OGG1: variants seen among roughly 807,000 people sequenced by gnomAD.
The protein encoded by OGG1 is N-glycosylase/DNA lyase.
OGG1 carries 35 observed loss-of-function variants against 42.3 expected under a neutral mutation model. The observed-to-expected ratio is 0.83, with a 90% confidence interval of 0.63 to 1.10. OGG1 has a LOEUF of 1.10. OGG1 is among the 50% of genes least tolerant of loss of function. The pLI is 0.00. For synonymous variants in OGG1, 189 were observed against 179.0 expected, an observed-to-expected ratio of 1.06 and a Z score of -0.44; for missense variants, 484 against 446.7, an observed-to-expected ratio of 1.08 and a Z score of -0.75.
At chr3:9,759,491 C>T, downstream of OGG1, 1 of 1,614,178 alleles carries the variant, frequency 6.2e-7, no homozygotes, top group African/African-American at 1.3e-5. Context: ...GACTCACCTT[C>T]CACTTGCTCT....
intron 3 of OGG1, chr3:9,787,616 A>G: frequency 8.4e-7 from 1 of 1,195,024 alleles, no homozygotes; most frequent in South Asian, 1.4e-5. Context: ...AGATTGTCTC[A>G]GGTCACAGCA....
intron 2 of OGG1, among the ~76,000 whole-genome samples, chr3:9,774,130 C>T (rs1442549397): frequency 6.6e-6 from 1 of 152,110 alleles, no homozygotes; most frequent in Non-Finnish European, 1.5e-5. Context: ...AATTCTTTGG[C>T]TGGGCGTGGT....
downstream of OGG1, chr3:9,759,851 C>A (rs780748957): frequency 1.2e-6 from 2 of 1,600,948 alleles, no homozygotes; most frequent in East Asian, 2.2e-5. Flanking sequence ...GGCATCAAGA[C>A]AAAGAGGCCA....
In OGG1 at chr3:9,754,900, G is replaced by A; in HGVS notation, c.747+15G>A. The A allele has an allele frequency of 6.4e-7, 1 of 1,569,204 alleles. No homozygotes were observed. On this transcript the variant is annotated intron_variant, in intron 4 of 6. Coordinates refer to ENST00000344629, the MANE Select transcript of OGG1 (RefSeq NM_002542.6). ...TGGGCACCAAGGTGAGGCCCCAGGG[G>A]GTAGGAGCTGCCCTCTCTACTGACA...
At chr3:9,762,990 GCGTCCCGCTC>G in intron 7 of OGG1, 1 of 1,614,156 alleles carries the variant, frequency 6.2e-7, no homozygotes, top group Non-Finnish European at 8.5e-7. Flanking sequence ...GAGGCGGCTG[GCGTCCCGCTC>G]CGTGTAGAAG....
downstream of OGG1, chr3:9,759,317 G>A: frequency 6.4e-7 from 1 of 1,572,040 alleles, no homozygotes; most frequent in Non-Finnish European, 8.8e-7. Flanking sequence ...TAGAGAAGGT[G>A]TTGGGAGTGT....
downstream of OGG1, chr3:9,767,664 C>CA: frequency 1.2e-6 from 2 of 1,614,176 alleles, no homozygotes; most frequent in Non-Finnish European, 8.5e-7. Context: ...GCCCTGGACT[C>CA]ACGTGCCCAG....
At chr3:9,761,822 C>A, downstream of OGG1, 2 of 1,586,194 alleles carry the variant, frequency 1.3e-6, no homozygotes, top group Non-Finnish European at 1.7e-6. Context: ...GAACCTTCTG[C>A]CGCTCCAAGC....
chr3:9,778,810 C>T (rs1398388688), intron 2 of OGG1, among the ~76,000 whole-genome samples: 4 of 152,054 alleles, frequency 2.6e-5, no homozygotes, highest in Non-Finnish European at 4.4e-5. Context: ...ATGTGTGCAC[C>T]CTAGTTTGGC....
chr3:9,787,299 C>A lies in OGG1; in HGVS notation c.383-429C>A, dbSNP rs776876963. ...CCTTCTGCTCCTCCAGCAGGTCCTC[C>A]TGGGCCCAGCGCTGGGAGTAGTGCT... is the stretch of plus-strand genomic sequence containing the variant. On this transcript the variant is annotated intron_variant, in intron 3 of 3. Transcript: ENST00000426518. 15 of 1,613,930 alleles carry A rather than the reference C, an allele frequency of 9.3e-6. No individual in the cohort carries two copies. Among genetic ancestry groups the A allele is most frequent in the Non-Finnish European group, 1.2e-5 (14 of 1,179,982 alleles).
At chr3:9,753,974 C>CA (rs2077424993) in intron 3 of OGG1, among the ~76,000 whole-genome samples, 1 of 152,010 alleles carries the variant, frequency 6.6e-6, no homozygotes, top group African/African-American at 2.4e-5. Context: ...CTCATCTCTA[C>CA]AAAAAATAAA....
intron 3 of OGG1, chr3:9,787,232 G>A (rs765509909): frequency 1.2e-6 from 2 of 1,614,204 alleles, no homozygotes; most frequent in African/African-American, 1.3e-5. Flanking sequence ...GGCCCCATGA[G>A]GCCTTTCTTC....
At chr3:9,766,110 T>G (rs774570661) in exon 8 of OGG1, 8 of 1,370,318 alleles carry the variant, frequency 5.8e-6, no homozygotes, top group Non-Finnish European at 8.2e-6. Context: ...GGTCATGTGA[T>G]GCAAGCCAGC....
intron 2 of OGG1, chr3:9,780,632 C>T (rs563055936): frequency 1.4e-6 from 2 of 1,420,456 alleles, no homozygotes; most frequent in East Asian, 2.5e-5. Flanking sequence ...AGCCTACCCA[C>T]CAGCCCAGGC....
downstream of OGG1, chr3:9,761,067 G>A (rs1026249933): frequency 6.5e-5 from 25 of 387,158 alleles, no homozygotes; most frequent in Non-Finnish European, 1.1e-4. Context: ...CCTCCACAGC[G>A]AGCCCTTCCC....
chr3:9,763,304 G>T, intron 7 of OGG1: 3 of 1,523,428 alleles, frequency 2.0e-6, no homozygotes, highest in South Asian at 1.2e-5. Flanking sequence ...GAGGCAGGAG[G>T]ATCACTTGGC....
rs1026830777 is a variant in OGG1, at chr3:9,751,069, C to A, written c.262C>A (p.Pro88Thr). The A allele has an allele frequency of 4.3e-6, 7 of 1,613,852 alleles. No homozygotes were observed. In the South Asian group the frequency reaches 7.7e-5, roughly 18 times the overall value. ...YRGDKSQASRPTPDELEAVRK... is the reference protein window; with the variant it reads ...YRGDKSQASRTTPDELEAVRK... Reference sequence around the variant, plus strand: ...AGGAGACAAGAGCCAGGCTAGCAGGCCCACACCAGACGAGCTGGAGGCCGT... The same window carrying A: ...AGGAGACAAGAGCCAGGCTAGCAGGACCACACCAGACGAGCTGGAGGCCGT... The change falls in exon 2 of 7, where the codon CCC becomes ACC. Residue 88 changes from proline (P) to threonine (T), a missense_variant. By Grantham distance (38) the Pro-to-Thr change is conservative. Transcript: ENST00000344629.
At chr3:9,758,927 G>C, downstream of OGG1, 1 of 437,794 alleles carries the variant, frequency 2.3e-6, no homozygotes, top group Non-Finnish European at 4.3e-6. Context: ...ACCATGCCTG[G>C]CCCTGAGAGC....
At chr3:9,771,341 C>T (rs1305562237), downstream of OGG1, among the ~76,000 whole-genome samples, 1 of 152,136 alleles carries the variant, frequency 6.6e-6, no homozygotes, top group Admixed American at 6.6e-5. Context: ...TTATGCCCAT[C>T]TTACAGATGA....
Sources: gnomAD v4.1 joint callset for allele counts (sites outside exome capture counted in the v4.1 genomes callset) on GRCh38, gnomAD v4.1.1 for gene constraint, MANE v1.5 for transcripts, NCBI Gene and HGNC (gene_info 2026-07-23, HGNC 2026-07-21) for gene names.